Variants in RBM27 observed in about 807,000 individuals in gnomAD.
RBM27 encodes the protein RNA-binding protein 27.
A neutral mutation model predicts 135.3 loss-of-function variants in RBM27; 22 were observed. The ratio of observed to expected loss-of-function variants is 0.16; its 90% CI spans 0.12 to 0.23. RBM27 has a LOEUF of 0.23. Among genes scored for constraint, RBM27 ranks in the 10% least tolerant of loss-of-function variants. RBM27 has a pLI of 1.00. For synonymous variants in RBM27, 481 were observed against 442.4 expected, an observed-to-expected ratio of 1.09 and a Z score of -1.10; for missense variants, 1,009 against 1,281.0, an observed-to-expected ratio of 0.79 and a Z score of 3.24.
chr5:146,218,395 T>C (rs1052200654), intron 1 of RBM27, among the ~76,000 whole-genome samples: 2 of 152,234 alleles, frequency 1.3e-5, no homozygotes, highest in Non-Finnish European at 2.9e-5. Context: ...AACTCCTAGA[T>C]CTTTTCTTTC....
chr5:146,245,195 GT>G (rs1487543015), intron 8 of RBM27: 1 of 151,608 alleles, frequency 6.6e-6, no homozygotes, highest in Non-Finnish European at 1.5e-5. Flanking sequence ...TTGCATGGGG[GT>G]TTCTTGTTGG....
chr5:146,251,772 A>G lies in RBM27; in HGVS notation c.1341A>G (p.Thr447=), dbSNP rs1442939051. 4 of 1,613,314 alleles carry G rather than the reference A, an allele frequency of 2.5e-6. No homozygotes were observed. The highest frequency in any genetic ancestry group is 3.4e-6 in the Non-Finnish European group (4 of 1,179,414). ...AAASERLQLG[T]PPPLLAARLV... ...CATCTGAGCGACTTCAGTTGGGGAC[A>G]CCGCCTCCTCTGTTGGCAGCTCGTT... Residue 447 remains threonine (T), a synonymous_variant, in exon 9 of 21, where the codon ACA becomes ACG. Coordinates refer to ENST00000265271, the MANE Select transcript of RBM27 (RefSeq NM_018989.2).
At chr5:146,209,022 A>T (rs1296623495) in intron 1 of RBM27, among the ~76,000 whole-genome samples, 1 of 152,156 alleles carries the variant, frequency 6.6e-6, no homozygotes, top group Non-Finnish European at 1.5e-5. Flanking sequence ...CTAGTTCCGT[A>T]TCTATCTCTA....
intron 7 of RBM27, among the ~76,000 whole-genome samples, chr5:146,236,415 C>G (rs1757162012): frequency 6.7e-6 from 1 of 148,340 alleles, no homozygotes; most frequent in Admixed American, 6.6e-5. Flanking sequence ...GAAGCCTCTT[C>G]TCAGCCGTTC....
In RBM27 at chr5:146,261,813, T is replaced by G; in HGVS notation, c.2190+7T>G. On this transcript the variant is annotated splice_region_variant and intron_variant, in intron 13 of 20. Transcript: ENST00000265271. ...GCACGGAGGTATCCAGAAGGTAATC[T>G]GGTTCACTGGGAATTAAAGGTCTTT... The G allele has an allele frequency of 1.2e-6, 2 of 1,613,900 alleles. No homozygotes were observed. The highest frequency in any genetic ancestry group is 1.7e-6 in the Non-Finnish European group (2 of 1,179,794).
At chr5:146,252,351 AT>A (rs1224156506) in intron 9 of RBM27, among the ~76,000 whole-genome samples, 71 of 152,236 alleles carry the variant, frequency 4.7e-4, no homozygotes, top group African/African-American at 1.7e-3. Context: ...TGACATACGT[AT>A]TTTGAAGGAT....
At chr5:146,230,994 T>C (rs1756905678) in intron 6 of RBM27, 77 bp downstream of exon 6, 3 of 1,425,884 alleles carry the variant, frequency 2.1e-6, no homozygotes. Context: ...GCATATCTTT[T>C]AGTTATAGTC....
At chr5:146,214,605 AAG>A (rs1319633595) in intron 1 of RBM27, among the ~76,000 whole-genome samples, 3 of 152,308 alleles carry the variant, frequency 2.0e-5, no homozygotes, top group African/African-American at 7.2e-5. Flanking sequence ...CAATGGGTGA[AAG>A]AATAAGAATA....
At chr5:146,237,807 C>T (rs184586266) in intron 8 of RBM27, among the ~76,000 whole-genome samples, 76 of 152,280 alleles carry the variant, frequency 5.0e-4, no homozygotes, top group African/African-American at 1.7e-3. Flanking sequence ...CTTGCCTCAG[C>T]CTCCCAAGTA....
intron 7 of RBM27, among the ~76,000 whole-genome samples, chr5:146,233,999 C>G (rs1276544297): frequency 6.6e-6 from 1 of 152,054 alleles, no homozygotes; most frequent in African/African-American, 2.4e-5. Context: ...TAGTTATCAT[C>G]TTAAGAAAGC....
At chr5:146,219,813 T>A (rs1027999523) in intron 2 of RBM27, among the ~76,000 whole-genome samples, 1 of 152,334 alleles carries the variant, frequency 6.6e-6, no homozygotes, top group Admixed American at 6.5e-5. Context: ...TACAGTGTAG[T>A]ATACTCCATG....
chr5:146,254,861 C>T (rs1758042211), intron 9 of RBM27, 82 bp from the exon 10 acceptor site: 7 of 1,212,068 alleles, frequency 5.8e-6, no homozygotes, highest in Non-Finnish European at 8.0e-6. Context: ...GTTTTTTAAG[C>T]AGTTGTTTAT....
intron 3 of RBM27, among the ~76,000 whole-genome samples, chr5:146,224,947 A>AC (rs1166040192): frequency 6.6e-6 from 1 of 151,942 alleles, no homozygotes; most frequent in African/African-American, 2.4e-5. Context: ...ATGTCTTTTC[A>AC]CCCCTAAGTA....
rs552106428 is a variant in RBM27, at chr5:146,261,743, A to G, written c.2127A>G (p.Leu709=). 4.3e-6 allele frequency: 7 copies of G among 1,614,168 alleles called. No homozygotes were observed. The Admixed American group carries it at 8.3e-5, about 19-fold the overall frequency. Residue 709 remains leucine, a synonymous_variant, in exon 13 of 21, where the codon CTA becomes CTG. Coordinates refer to ENST00000265271, the MANE Select transcript of RBM27 (RefSeq NM_018989.2). ...AGCACCATCACCTGCCACAGCATCT[A>G]CATCAGCAGCAGGTGCTAGTGGCCC... ...SQQHHHLPQH[L]HQQQVLVAQS...
chr5:146,245,618 T>A (rs1757593568), intron 8 of RBM27, among the ~76,000 whole-genome samples: 1 of 152,218 alleles, frequency 6.6e-6, no homozygotes, highest in South Asian at 2.1e-4. Context: ...TGTGGCATTA[T>A]GTAGAATAAT....
intron 8 of RBM27, among the ~76,000 whole-genome samples, chr5:146,244,536 C>T (rs1321599060): frequency 6.6e-6 from 1 of 151,822 alleles, no homozygotes; most frequent in East Asian, 1.9e-4. Flanking sequence ...TACCCATGCC[C>T]CCCCACCCCC....
At chr5:146,220,700 C>A (rs974130745) in intron 2 of RBM27, among the ~76,000 whole-genome samples, 1 of 151,758 alleles carries the variant, frequency 6.6e-6, no homozygotes, top group African/African-American at 2.4e-5. Flanking sequence ...TTTGTAGAAA[C>A]AAAGCAATAC....
rs1303347394 is a variant in RBM27 at position 146,285,982 on chromosome 5, T to C, written c.3135T>C (p.Asp1045=). The change falls in exon 21 of 21, where the codon GAT becomes GAC. Residue 1045 remains aspartate, a synonymous_variant. Transcript: ENST00000265271. ...CCTCAGATTTGTTTTTGCCTGATGA[T>C]GACGATGAAGATGAAGATGAATATG... ...TETSDLFLPD[D]DDEDEDEYES... is the part of the protein sequence containing the mutation. 9 of 1,612,924 alleles carry C rather than the reference T, an allele frequency of 5.6e-6. No homozygotes were observed. In the East Asian group the frequency reaches 2.0e-4, roughly 36 times the overall value.
chr5:146,246,280 T>G (rs2126803456), intron 8 of RBM27, among the ~76,000 whole-genome samples: 1 of 152,272 alleles, frequency 6.6e-6, no homozygotes, highest in South Asian at 2.1e-4. Context: ...TCAGGAAAAT[T>G]ATACAGAGTT....
Sources: gnomAD v4.1 joint callset for allele counts (sites outside exome capture counted in the v4.1 genomes callset) on GRCh38, gnomAD v4.1.1 for gene constraint, MANE v1.5 for transcripts, NCBI Gene and HGNC (gene_info 2026-07-23, HGNC 2026-07-21) for gene names.